Variants in EXT1 observed in about 807,000 individuals in gnomAD.
EXT1 encodes exostosin-1.
In EXT1, 20 loss-of-function variants were observed where a neutral mutation model predicts 82.5. That is an observed-to-expected ratio of 0.24 (90% confidence interval 0.17 to 0.35). The LOEUF (loss-of-function observed/expected upper bound fraction) is 0.35. Among genes scored for constraint, EXT1 ranks in the 10% least tolerant of loss-of-function variants. The pLI, the probability that EXT1 is intolerant of heterozygous loss-of-function variation, is 1.00. For missense variants in EXT1, 757 were observed against 936.5 expected, an observed-to-expected ratio of 0.81 and a Z score of 2.50; for synonymous variants, 348 against 350.8, an observed-to-expected ratio of 0.99 and a Z score of 0.09.
chr8:118,049,276 T>C lies in EXT1; in HGVS notation c.962+60809A>G, dbSNP rs540829446. On this transcript the variant is annotated intron_variant, in intron 1 of 10. Transcript: ENST00000378204. ...AACCCACACTGCAATAATAAGCACA[T>C]AGCATCAGCATAATCTCCAGTTTAC... Among the ~76,000 whole-genome samples, 8 of 152,362 alleles carry C rather than the reference T, an allele frequency of 5.3e-5. No homozygotes were observed. In the South Asian group the frequency reaches 1.7e-3, roughly 32 times the overall value.
At chr8:117,828,041 A>T (rs931699280) in intron 4 of EXT1, among the ~76,000 whole-genome samples, 16 of 152,020 alleles carry the variant, frequency 1.1e-4, no homozygotes, top group African/African-American at 3.9e-4. Flanking sequence ...AATGGAGAAA[A>T]AATGTAATAA....
At chr8:117,859,825 G>T (rs1812648947) in intron 1 of EXT1, among the ~76,000 whole-genome samples, 1 of 152,116 alleles carries the variant, frequency 6.6e-6, no homozygotes, top group African/African-American at 2.4e-5. Flanking sequence ...TATACCATGG[G>T]ATACTAACTC....
intron 1 of EXT1, among the ~76,000 whole-genome samples, chr8:118,067,279 T>C (rs970283860): frequency 3.9e-5 from 6 of 152,256 alleles, no homozygotes; most frequent in Admixed American, 3.3e-4. Context: ...GGAGTACCTA[T>C]ACCACCTCCA....
chr8:118,076,696 G>A (rs557446382), intron 1 of EXT1, among the ~76,000 whole-genome samples: 3 of 152,144 alleles, frequency 2.0e-5, no homozygotes, highest in South Asian at 2.1e-4. Flanking sequence ...AGGGTCTGCC[G>A]AGTGAATATT....
chr8:117,965,716 T>G (rs1389324476), intron 1 of EXT1, among the ~76,000 whole-genome samples: 2 of 152,180 alleles, frequency 1.3e-5, no homozygotes. Flanking sequence ...TATTAATCAG[T>G]GAATCTCTTG....
intron 7 of EXT1, among the ~76,000 whole-genome samples, chr8:117,814,037 AAAG>A (rs991541149): frequency 6.6e-6 from 1 of 151,516 alleles, no homozygotes; most frequent in African/African-American, 2.4e-5. Flanking sequence ...GAAGAAGAAG[AAAG>A]AAGAAGGAGG....
At chr8:117,938,076 G>A (rs568822966) in intron 1 of EXT1, among the ~76,000 whole-genome samples, 17 of 152,146 alleles carry the variant, frequency 1.1e-4, no homozygotes, top group Admixed American at 7.9e-4. Context: ...CTTCACATTC[G>A]CACATTTCCT....
chr8:117,945,924 G>A (rs1055671025), intron 1 of EXT1, among the ~76,000 whole-genome samples: 4 of 151,778 alleles, frequency 2.6e-5, no homozygotes, highest in African/African-American at 7.3e-5. Flanking sequence ...TGTTTGAGAT[G>A]CGAGTTTTGC....
chr8:117,833,867 G>C (rs1470484495), intron 3 of EXT1, among the ~76,000 whole-genome samples: 1 of 152,140 alleles, frequency 6.6e-6, no homozygotes, highest in Non-Finnish European at 1.5e-5. Flanking sequence ...CATCACTCTT[G>C]TTTGGCTTTT....
At chr8:118,083,592 T>C (rs1339642076) in intron 1 of EXT1, among the ~76,000 whole-genome samples, 4 of 152,164 alleles carry the variant, frequency 2.6e-5, no homozygotes, top group Non-Finnish European at 5.9e-5. Flanking sequence ...TCTAGTTTAA[T>C]AGGCTCCTAA....
In EXT1 at chr8:117,835,554, G is replaced by A. The variant is rs200927981; in HGVS notation, c.1057-3C>T. 8 of 1,609,828 alleles carry A rather than the reference G, an allele frequency of 5.0e-6. No homozygotes were observed. The highest frequency in any genetic ancestry group is 1.3e-5 in the African/African-American group (1 of 74,944). On this transcript the variant is annotated splice_region_variant and splice_polypyrimidine_tract_variant and intron_variant, in intron 2 of 10. Coordinates refer to ENST00000378204, the MANE Select transcript of EXT1 (RefSeq NM_000127.3). The stretch of plus-strand genomic sequence containing the variant: ...AGCATCACAGGGACGCAGGCAGCCT[G>A]AGCAAAAAAGGGGACTTCGTGAATG...
At chr8:117,834,772 AT>A (rs1812158175) in intron 3 of EXT1, among the ~76,000 whole-genome samples, 2 of 152,220 alleles carry the variant, frequency 1.3e-5, no homozygotes, top group South Asian at 4.1e-4. Context: ...AAGTTCTAGA[AT>A]TTTAGGAGAA....
At chr8:117,874,015 A>G (rs1812922858) in intron 1 of EXT1, among the ~76,000 whole-genome samples, 2 of 152,184 alleles carry the variant, frequency 1.3e-5, no homozygotes, top group Admixed American at 6.5e-5. Context: ...TTTGACTAAC[A>G]TACTTTAATC....
intron 1 of EXT1, among the ~76,000 whole-genome samples, chr8:118,032,123 C>G (rs17453882): frequency 0.44 from 60,937 of 137,964 alleles, 13,529 homozygotes; most frequent in Middle Eastern, 0.53. Flanking sequence ...TTGGCCATTA[C>G]TCAATGGCCA....
intron 1 of EXT1, among the ~76,000 whole-genome samples, chr8:117,903,227 C>A (rs182234865): frequency 6.6e-6 from 1 of 152,090 alleles, no homozygotes; most frequent in Admixed American, 6.5e-5. Context: ...ACTAAGAAGA[C>A]GAAATAGCAA....
intron 1 of EXT1, among the ~76,000 whole-genome samples, chr8:117,928,562 A>G (rs556073171): frequency 6.6e-6 from 1 of 152,140 alleles, no homozygotes; most frequent in Non-Finnish European, 1.5e-5. Context: ...AATACTAAAC[A>G]GAGAATGCAA....
At chr8:118,107,375 C>G (rs1025309215) in intron 1 of EXT1, among the ~76,000 whole-genome samples, 4 of 152,092 alleles carry the variant, frequency 2.6e-5, no homozygotes, top group Non-Finnish European at 4.4e-5. Flanking sequence ...TTAGAGCACC[C>G]CTGAAGCAGT....
At chr8:118,021,398 C>CT (rs1036809099) in intron 1 of EXT1, among the ~76,000 whole-genome samples, 11 of 152,212 alleles carry the variant, frequency 7.2e-5, no homozygotes, top group Non-Finnish European at 1.6e-4. Context: ...TTTAATCTCT[C>CT]TTTTGGGCTA....
At chr8:117,914,177 G>A (rs923280950) in intron 1 of EXT1, among the ~76,000 whole-genome samples, 3 of 152,188 alleles carry the variant, frequency 2.0e-5, no homozygotes, top group African/African-American at 4.8e-5. Context: ...GGGACCGGCT[G>A]GAGCCTCGGC....
Sources: gnomAD v4.1 joint callset for allele counts (sites outside exome capture counted in the v4.1 genomes callset) on GRCh38, gnomAD v4.1.1 for gene constraint, MANE v1.5 for transcripts, NCBI Gene and HGNC (gene_info 2026-07-23, HGNC 2026-07-21) for gene names.